PPP1R13B: variants seen among roughly 807,000 people sequenced by gnomAD.
PPP1R13B encodes the protein apoptosis-stimulating of p53 protein 1.
Under a neutral mutation model 119.8 loss-of-function variants are expected in PPP1R13B, and 44 were observed. The observed-to-expected ratio is 0.37, with a 90% CI of 0.29 to 0.47. The LOEUF (loss-of-function observed/expected upper bound fraction) is 0.47. PPP1R13B is among the 20% of genes least tolerant of loss of function. The pLI, the probability that PPP1R13B is intolerant of heterozygous loss-of-function variation, is 0.99. For synonymous variants in PPP1R13B, 542 were observed against 561.5 expected (o/e 0.97, Z 0.49); for missense variants, 1,227 against 1,413.5 (o/e 0.87, Z 2.12).
intron 15 of PPP1R13B, 108 bp from the exon 16 acceptor site, chr14:103,736,310 A>G: frequency 8.2e-7 from 1 of 1,216,748 alleles, no homozygotes; most frequent in African/African-American, 1.5e-5. Context: ...TGCTCTCAGC[A>G]GGCCCCACAG....
At chr14:103,843,774 G>A (rs962262413) in intron 1 of PPP1R13B, among the ~76,000 whole-genome samples, 2 of 152,042 alleles carry the variant, frequency 1.3e-5, no homozygotes, top group Non-Finnish European at 2.9e-5. Context: ...CCAACGTGGT[G>A]AAACCCCATC....
In PPP1R13B at chr14:103,734,223, C is replaced by G. The variant is rs943106609; in HGVS notation, c.*931G>C. The G allele has an allele frequency of 3.5e-6, 1 of 287,628 alleles. No individual in the cohort carries two copies. Among genetic ancestry groups the G allele is most frequent in the Non-Finnish European group, 7.0e-6 (1 of 142,878 alleles). The allele number at this position is 287,628 out of a possible 1,614,324, so 17.8% of individuals were successfully genotyped here. On this transcript the variant is annotated 3_prime_UTR_variant, in exon 17 of 17. Transcript: ENST00000202556. ...AGCTCCTCTGCCCCAGCTGCTGCTC[C>G]TTGGTGGCGGCCCCTCCTGACACCA...
chr14:103,740,176 G>A lies in PPP1R13B; in HGVS notation c.2240C>T (p.Pro747Leu), dbSNP rs764543562. Residue 747 changes from proline (P) to leucine (L), a missense_variant, in exon 12 of 17, where the codon CCC becomes CTC. Physicochemically the swap from Pro to Leu is moderately conservative, Grantham distance 98. Coordinates refer to ENST00000202556, the MANE Select transcript of PPP1R13B (RefSeq NM_015316.3). This position sits in a 1 kb window ranked among gnomAD's most constrained non-coding sequence, Gnocchi z 4.6. ...MEGTPFYQPS[P>L]SQDFMGTLAD... ...CAAGGTGCCCATGAAGTCCTGGGAG[G>A]GGCTGGGCTGGTAGAAAGGGGTGCC... The A allele has an allele frequency of 6.2e-7, 1 of 1,613,794 alleles. No individual in the cohort carries two copies. Among genetic ancestry groups the A allele is most frequent in the Non-Finnish European group, 8.5e-7 (1 of 1,180,032 alleles).
intron 6 of PPP1R13B, 40 bp from the exon 7 acceptor site, chr14:103,753,236 T>A (rs1179940457): frequency 6.6e-7 from 1 of 1,513,720 alleles, no homozygotes; most frequent in Non-Finnish European, 8.7e-7. Context: ...AAGATTTAGT[T>A]GATCCTTTTT....
Position 103,734,866 on chromosome 14 carries a change from A to AC in PPP1R13B, c.*287dup. 1.9e-6 allele frequency: 1 copy of AC among 525,842 alleles called. No individual in the cohort carries two copies. The highest frequency in any genetic ancestry group is 4.2e-4 in the Middle Eastern group (1 of 2,392). The allele number at this position is 525,842 out of a possible 1,614,324, so 32.6% of individuals were successfully genotyped here. ...CTGGCAACCAACCGGGGGTTATGGGACTTCTTAATGGCAAGAGGGGTGGGT... is the reference window on the plus strand; with the variant it reads ...CTGGCAACCAACCGGGGGTTATGGGACCTTCTTAATGGCAAGAGGGGTGGGT... On this transcript the variant is annotated 3_prime_UTR_variant, in exon 17 of 17. Coordinates refer to ENST00000202556, the MANE Select transcript of PPP1R13B (RefSeq NM_015316.3).
At chr14:103,780,443 T>C (rs758265027) in intron 3 of PPP1R13B, among the ~76,000 whole-genome samples, 112 of 123,284 alleles carry the variant, frequency 9.1e-4, no homozygotes, top group Non-Finnish European at 1.4e-3. Context: ...GCCAAGATCA[T>C]GCCACTGCAC....
Position 103,740,262 on chromosome 14 carries a change from G to T in PPP1R13B, c.2154C>A (p.Gly718=). 6.2e-7 allele frequency: 1 copy of T among 1,604,008 alleles called. No individual in the cohort carries two copies. The stretch of plus-strand genomic sequence containing the variant: ...ACAGCAGCTTCTGGATGTTGGGCCC[G>T]CCGGGGCCCTCGGGCTCTGTGATGG... The part of the protein sequence containing the change: ...RSSITEPEGP[G]GPNIQKLLYQ... The change falls in exon 12 of 17, where the codon GGC becomes GGA. Residue 718 remains glycine (G), a synonymous_variant. Transcript: ENST00000202556. The surrounding 1 kb of genome is among the most constrained non-coding windows in gnomAD (Gnocchi z 4.6).
intron 4 of PPP1R13B, among the ~76,000 whole-genome samples, chr14:103,765,773 C>G (rs1313961238): frequency 6.6e-6 from 1 of 152,136 alleles, no homozygotes; most frequent in Non-Finnish European, 1.5e-5. Context: ...TCTTTAAGGA[C>G]TCTCTCATAC....
upstream of PPP1R13B, chr14:103,847,704 C>T: frequency 1.2e-6 from 1 of 810,874 alleles, no homozygotes; most frequent in South Asian, 5.6e-5. Context: ...GGCGGGGCTT[C>T]CCGGCTCCGC....
At chr14:103,796,344 T>C (rs1280814056) in intron 2 of PPP1R13B, among the ~76,000 whole-genome samples, 4 of 152,012 alleles carry the variant, frequency 2.6e-5, no homozygotes, top group African/African-American at 9.7e-5. Context: ...AGAGAAGATA[T>C]AAAAATGGCC....
At chr14:103,745,799 TTTTTGTTTTG>T (rs571446863) in intron 9 of PPP1R13B, among the ~76,000 whole-genome samples, 4 of 152,096 alleles carry the variant, frequency 2.6e-5, no homozygotes, top group Admixed American at 6.5e-5. Context: ...GGGTCAGTTT[TTTTTGTTTTG>T]TTTTGTTTTG....
At chr14:103,790,884 A>G (rs966475797) in intron 2 of PPP1R13B, among the ~76,000 whole-genome samples, 2 of 152,188 alleles carry the variant, frequency 1.3e-5, no homozygotes, top group Admixed American at 1.3e-4. Flanking sequence ...GCGTGCCTGT[A>G]ATACAGCTAT....
At chr14:103,737,362 C>G (rs1027264205) in intron 15 of PPP1R13B, 1 of 194,062 alleles carries the variant, frequency 5.2e-6, no homozygotes. Flanking sequence ...CCCAGAAGTT[C>G]GAGACCACCC....
At chr14:103,819,603 A>C (rs2086360604) in intron 1 of PPP1R13B, among the ~76,000 whole-genome samples, 1 of 152,154 alleles carries the variant, frequency 6.6e-6, no homozygotes, top group South Asian at 2.1e-4. Context: ...AGAACCCTAG[A>C]GGTAATGCAA....
intron 1 of PPP1R13B, among the ~76,000 whole-genome samples, chr14:103,809,020 C>T (rs924705329): frequency 1.3e-5 from 2 of 152,028 alleles, no homozygotes; most frequent in Non-Finnish European, 2.9e-5. Flanking sequence ...TAAAAGCGCA[C>T]CACAGCTAAT....
In PPP1R13B at chr14:103,757,727, T is replaced by C; in HGVS notation, c.379A>G (p.Thr127Ala). The C allele has an allele frequency of 1.9e-6, 3 of 1,614,066 alleles. No individual in the cohort carries two copies. Among genetic ancestry groups the C allele is most frequent in the Non-Finnish European group, 2.5e-6 (3 of 1,179,950 alleles). Residue 127 changes from threonine to alanine, a missense_variant, in exon 5 of 17, where the codon ACC (threonine) becomes GCC (alanine). Thr to Ala is a moderately conservative substitution (Grantham distance 58, BLOSUM62 0). Transcript: ENST00000202556. ...NGVGNPRVEL[T>A]LSELQDMAAR... ...GCCATATCTTGGAGCTCTGAGAGGG[T>C]AAGTTCAACACGTGGATTCCCAACC...
intron 1 of PPP1R13B, among the ~76,000 whole-genome samples, chr14:103,839,179 A>G (rs1446665621): frequency 6.6e-6 from 1 of 151,914 alleles, no homozygotes; most frequent in Admixed American, 6.6e-5. Flanking sequence ...CACCCAGCTA[A>G]TTTTTTGTAT....
chr14:103,826,296 T>C (rs757550317), intron 1 of PPP1R13B, among the ~76,000 whole-genome samples: 3 of 152,202 alleles, frequency 2.0e-5, no homozygotes, highest in Admixed American at 1.3e-4. Flanking sequence ...TAAGCCTTTA[T>C]AGATTTAACA....
intron 2 of PPP1R13B, 24 bp downstream of exon 2, chr14:103,797,347 A>G: frequency 6.4e-7 from 1 of 1,569,326 alleles, no homozygotes; most frequent in Non-Finnish European, 8.6e-7. Context: ...CAATGTAACA[A>G]TCTTTACAGG....
Sources: gnomAD v4.1 joint callset for allele counts (sites outside exome capture counted in the v4.1 genomes callset) on GRCh38, gnomAD v4.1.1 for gene constraint, Gnocchi (gnomAD v3.1) non-coding constraint, MANE v1.5 for transcripts, NCBI Gene and HGNC (gene_info 2026-07-23, HGNC 2026-07-21) for gene names.